UNC13B: variants seen among roughly 807,000 people sequenced by gnomAD.
UNC13B encodes protein unc-13 homolog B.
In UNC13B, 144 loss-of-function variants were observed where a neutral mutation model predicts 211.0. The observed-to-expected ratio is 0.68, with a 90% CI of 0.60 to 0.78. The LOEUF (loss-of-function observed/expected upper bound fraction) is 0.78. Among genes scored for constraint, UNC13B ranks in the 30% least tolerant of loss-of-function variants. UNC13B has a pLI of 0.00. For missense variants in UNC13B, 1,777 were observed against 2,002.0 expected (o/e 0.89, Z 2.14); for synonymous variants, 709 against 725.8 (o/e 0.98, Z 0.37).
chr9:35,288,746 T>C (rs959543600), intron 7 of UNC13B, among the ~76,000 whole-genome samples: 4 of 152,226 alleles, frequency 2.6e-5, no homozygotes, highest in Non-Finnish European at 5.9e-5. Context: ...AATTTATTAG[T>C]ACAGTAGATA....
intron 11 of UNC13B, among the ~76,000 whole-genome samples, chr9:35,324,755 G>A (rs939688119): frequency 4.6e-5 from 7 of 152,102 alleles, no homozygotes; most frequent in Admixed American, 2.0e-4. Context: ...CTTAAATGTT[G>A]TTCTTTCCAG....
chr9:35,292,951 A>T (rs533161524), intron 7 of UNC13B, among the ~76,000 whole-genome samples: 3 of 152,350 alleles, frequency 2.0e-5, no homozygotes, highest in Non-Finnish European at 4.4e-5. Context: ...GTGACACATT[A>T]AAAACACAGT....
At chr9:35,170,670 C>A (rs1023470090) in intron 1 of UNC13B, among the ~76,000 whole-genome samples, 2 of 152,030 alleles carry the variant, frequency 1.3e-5, no homozygotes, top group Non-Finnish European at 2.9e-5. Flanking sequence ...TGGGGTCTTG[C>A]TATGTTGCCC....
At chr9:35,397,802 G>C (rs1471558781) in intron 30 of UNC13B, 90 bp downstream of exon 30, 3 of 1,384,022 alleles carry the variant, frequency 2.2e-6, no homozygotes, top group Non-Finnish European at 3.0e-6. Flanking sequence ...TGAGGGTTGG[G>C]GTGACACTCC....
In UNC13B at chr9:35,302,117, C is replaced by T. The variant is rs559837755; in HGVS notation, c.2713C>T (p.Arg905Cys). Residue 905 changes from arginine to cysteine, a missense_variant, in exon 9 of 40, where the codon CGT (arginine) becomes TGT (cysteine). Coordinates refer to ENST00000635942, the MANE Select transcript of UNC13B (RefSeq NM_001371189.2). ...SKVTVNDQSL[R>C]GSAVTTDEES... ...GGTTACTGTTAATGACCAGAGTTTA[C>T]GTGGCTCAGCAGTAACCACTGATGA... The T allele has an allele frequency of 1.7e-4, 66 of 398,632 alleles. No individual in the cohort carries two copies. The highest frequency in any genetic ancestry group is 2.2e-4 in the Non-Finnish European group (49 of 225,796). The allele number at this position is 398,632 out of a possible 1,614,324, so 24.7% of individuals were successfully genotyped here.
intron 11 of UNC13B, chr9:35,351,891 T>C: frequency 2.4e-6 from 3 of 1,232,242 alleles, no homozygotes; most frequent in Non-Finnish European, 3.0e-6. Flanking sequence ...ACCAAGACCC[T>C]TTTGTCCAGA....
rs749866162 is a variant in UNC13B, at chr9:35,380,465, C to T, written c.10206-5C>T. 30 of 1,613,580 alleles carry T rather than the reference C, an allele frequency of 1.9e-5. No individual in the cohort carries two copies. Among genetic ancestry groups the T allele is most frequent in the Non-Finnish European group, 2.5e-5 (29 of 1,179,740 alleles). ...CCTAACAGAGCCTGCCTAATTCTCT[C>T]ACAGTGAGTGCCACAACTCCTCTGA... On this transcript the variant is annotated splice_region_variant and splice_polypyrimidine_tract_variant and intron_variant, in intron 17 of 39. Transcript: ENST00000635942.
In UNC13B at chr9:35,232,177, C is replaced by CTTTTTT. The variant is rs547048403; in HGVS notation, c.152+974_152+979dup. On this transcript the variant is annotated intron_variant, in intron 3 of 39. Transcript: ENST00000635942. ...CCTCTGGGCTCTTGGTATATTGCTGCTTTTTTTTTTTTTTTTTTTTTGAGG... is the reference window on the plus strand; with the variant it reads ...CCTCTGGGCTCTTGGTATATTGCTGCTTTTTTTTTTTTTTTTTTTTTTTTTTTGAGG... Among the ~76,000 whole-genome samples, 247 of 31,540 alleles carry CTTTTTT rather than the reference C, an allele frequency of 7.8e-3. 85 individuals carry two copies. The highest frequency in any genetic ancestry group is 0.075 in the East Asian group (38 of 508). The allele number at this position is 31,540 out of a possible 152,430, so 20.7% of individuals were successfully genotyped here.
At chr9:35,378,191 T>C in intron 16 of UNC13B, 104 bp from the exon 17 acceptor site, 1 of 1,447,650 alleles carries the variant, frequency 6.9e-7, no homozygotes, top group East Asian at 2.3e-5. Flanking sequence ...GATTACGGTA[T>C]CTGTGCAAGG....
Position 35,301,122 on chromosome 9 carries a change from A to G in UNC13B, c.1718A>G (p.Asn573Ser), listed in dbSNP as rs1829659361. 2 of 398,940 alleles carry G rather than the reference A, an allele frequency of 5.0e-6. No homozygotes were observed. The highest frequency in any genetic ancestry group is 4.4e-6 in the Non-Finnish European group (1 of 225,980). The allele number at this position is 398,940 out of a possible 1,614,324, so 24.7% of individuals were successfully genotyped here. The change falls in exon 9 of 40, where the codon AAT becomes AGT. Residue 573 changes from asparagine to serine, a missense_variant. Coordinates refer to ENST00000635942, the MANE Select transcript of UNC13B (RefSeq NM_001371189.2). ...SLVPEKTETLNQIEAINLGSK... is the reference protein window; with the variant it reads ...SLVPEKTETLSQIEAINLGSK... ...GTTCCAGAAAAAACAGAAACTCTTA[A>G]TCAAATAGAGGCAATTAATTTGGGA...
chr9:35,260,939 A>G (rs1827239717), intron 7 of UNC13B, among the ~76,000 whole-genome samples: 1 of 152,208 alleles, frequency 6.6e-6, no homozygotes, highest in African/African-American at 2.4e-5. Context: ...CGCAAATGCC[A>G]AGAGGGCAGG....
chr9:35,271,411 T>C (rs1827872959), intron 7 of UNC13B, among the ~76,000 whole-genome samples: 1 of 152,146 alleles, frequency 6.6e-6, no homozygotes, highest in African/African-American at 2.4e-5. Context: ...CTTTTGCAGG[T>C]CTTATTGCTC....
Position 35,304,447 on chromosome 9 carries a change from T to C in UNC13B, c.5043T>C (p.Asn1681=). Residue 1681 remains asparagine, a synonymous_variant, in exon 9 of 40, where the codon AAT becomes AAC. Coordinates refer to ENST00000635942, the MANE Select transcript of UNC13B (RefSeq NM_001371189.2). ...EDAECTLDLR[N]QPQTISNHVS... ...CTGAATGTACATTAGATCTCAGAAA[T>C]CAGCCCCAAACTATTAGTAATCATG... 1 of 398,602 alleles carries C rather than the reference T, an allele frequency of 2.5e-6. No individual in the cohort carries two copies. The highest frequency in any genetic ancestry group is 4.4e-6 in the Non-Finnish European group (1 of 225,866). The allele number at this position is 398,602 out of a possible 1,614,324, so 24.7% of individuals were successfully genotyped here. A position where few individuals can be genotyped will look rare whatever the true frequency, so the allele number is the denominator to read the frequency against.
chr9:35,232,535 G>A (rs1285757925), intron 3 of UNC13B, among the ~76,000 whole-genome samples: 2 of 151,912 alleles, frequency 1.3e-5, no homozygotes, highest in Non-Finnish European at 2.9e-5. Flanking sequence ...AAGATTATAA[G>A]GTTTTGGGCT....
In UNC13B at chr9:35,300,765, A is replaced by C. The variant is rs2131823431; in HGVS notation, c.1361A>C (p.Asp454Ala). Residue 454 changes from aspartate to alanine, a missense_variant, in exon 9 of 40, where the codon GAC (aspartate) becomes GCC (alanine). Physicochemically the swap from Asp to Ala is moderately radical, Grantham distance 126 (BLOSUM62 -2). Coordinates refer to ENST00000635942, the MANE Select transcript of UNC13B (RefSeq NM_001371189.2). ...TPSSIEEPKE[D>A]RIDTMDELQC... ...TCCTCTATTGAGGAGCCCAAGGAGG[A>C]CCGTATTGATACAATGGATGAGCTT... 1 of 398,922 alleles carries C rather than the reference A, an allele frequency of 2.5e-6. No homozygotes were observed. The highest frequency in any genetic ancestry group is 1.3e-4 in the South Asian group (1 of 7,860). 24.7% of individuals were successfully genotyped at this position (398,922 alleles called of 1,614,324 possible).
At chr9:35,282,848 C>T (rs1452597103) in intron 7 of UNC13B, among the ~76,000 whole-genome samples, 1 of 152,052 alleles carries the variant, frequency 6.6e-6, no homozygotes, top group Non-Finnish European at 1.5e-5. Context: ...TTTTGTTTGA[C>T]TTACAGAGTT....
chr9:35,264,109 G>A (rs1017803715), intron 7 of UNC13B, among the ~76,000 whole-genome samples: 1 of 152,136 alleles, frequency 6.6e-6, no homozygotes, highest in African/African-American at 2.4e-5. Flanking sequence ...GAGTTTTGAG[G>A]TGCATGCTAG....
intron 1 of UNC13B, among the ~76,000 whole-genome samples, chr9:35,176,742 A>T (rs916301263): frequency 6.6e-6 from 1 of 152,104 alleles, no homozygotes; most frequent in African/African-American, 2.4e-5. Context: ...AAAAAATACA[A>T]CTGATTTGTG....
rs1037137535 is a variant in UNC13B, at chr9:35,233,728, A to G, written c.152+2509A>G. On this transcript the variant is annotated intron_variant, in intron 3 of 39. Transcript: ENST00000635942. ...TCTTGTTTTTAGGATTAGATTGTTC[A>G]TTTCTTAAGGGTAAGGTGGGCATCT... is the stretch of plus-strand genomic sequence containing the variant. 1.3e-4 allele frequency among the ~76,000 whole-genome samples: 20 copies of G among 151,970 alleles called. 1 individual carries two copies. Among genetic ancestry groups the G allele is most frequent in the Admixed American group, 1.1e-3 (17 of 15,254 alleles).
Sources: gnomAD v4.1 joint callset for allele counts (sites outside exome capture counted in the v4.1 genomes callset) on GRCh38, gnomAD v4.1.1 for gene constraint, MANE v1.5 for transcripts, NCBI Gene and HGNC (gene_info 2026-07-23, HGNC 2026-07-21) for gene names.